The following ATP2C1 variants were observed in gnomAD, a reference collection of about 807,000 sequenced individuals.
ATP2C1 encodes calcium-transporting ATPase type 2C member 1.
Under a neutral mutation model 120.5 loss-of-function variants are expected in ATP2C1, and 31 were observed. That is an observed-to-expected ratio of 0.26 (90% CI 0.19 to 0.35). The LOEUF (loss-of-function observed/expected upper bound fraction) is 0.35, where lower values mean the gene tolerates loss of function less well. Among genes scored for constraint, ATP2C1 ranks in the 10% least tolerant of loss-of-function variants. The pLI, the probability that ATP2C1 is intolerant of heterozygous loss-of-function variation, is 1.00. For missense variants in ATP2C1, 731 were observed against 1,107.5 expected (o/e 0.66, Z 4.83); for synonymous variants, 351 against 358.7 (o/e 0.98, Z 0.24).
downstream of ATP2C1, among the ~76,000 whole-genome samples, chr3:131,006,636 TG>T (rs1358433435): frequency 3.7e-3 from 7 of 1,890 alleles, no homozygotes; most frequent in Non-Finnish European, 8.2e-3. Context: ...AGTGTGTGTT[TG>T]TGTGTGTGTG....
intron 4 of ATP2C1, among the ~76,000 whole-genome samples, chr3:130,934,083 GAT>G (rs1029280998): frequency 1.3e-5 from 2 of 152,154 alleles, no homozygotes; most frequent in African/African-American, 4.8e-5. Context: ...CTGTTTCTTT[GAT>G]ATGATTTGCT....
upstream of ATP2C1, among the ~76,000 whole-genome samples, chr3:130,891,463 C>T (rs962915779): frequency 6.6e-6 from 1 of 152,172 alleles, no homozygotes; most frequent in Non-Finnish European, 1.5e-5. Context: ...ACAAATTTCC[C>T]TTTCTTGCAC....
At chr3:130,914,442 TCAGAC>T (rs1008798048) in intron 2 of ATP2C1, 5 of 152,158 alleles carry the variant, frequency 3.3e-5, no homozygotes, top group Non-Finnish European at 7.3e-5. Context: ...TCAACTGCCT[TCAGAC>T]CAGCCAAGCC....
At chr3:130,923,887 T>C (rs1576733794) in intron 2 of ATP2C1, among the ~76,000 whole-genome samples, 1 of 148,486 alleles carries the variant, frequency 6.7e-6, no homozygotes, top group African/African-American at 2.5e-5. Context: ...AAAAAAAGGA[T>C]AACTACCTTT....
upstream of ATP2C1, chr3:130,893,881 A>G: frequency 4.1e-6 from 4 of 978,914 alleles, no homozygotes; most frequent in Non-Finnish European, 4.9e-6. Flanking sequence ...ATCCAAACCC[A>G]AACATTGTCC....
upstream of ATP2C1, among the ~76,000 whole-genome samples, chr3:130,890,626 T>C (rs1436895633): frequency 1.3e-5 from 2 of 152,238 alleles, no homozygotes; most frequent in Non-Finnish European, 2.9e-5. Context: ...CTGGGTGCTA[T>C]TAAAACCAAC....
intron 1 of ATP2C1, among the ~76,000 whole-genome samples, chr3:130,883,945 C>CTTTTTTTTTT (rs35365168): frequency 3.3e-5 from 4 of 122,436 alleles, no homozygotes; most frequent in African/African-American, 6.1e-5. Flanking sequence ...TTCTTTTCTT[C>CTTTTTTTTTT]TTTTTTTTTT....
chr3:130,926,721 A>C (rs2059223408), intron 2 of ATP2C1, among the ~76,000 whole-genome samples: 1 of 152,262 alleles, frequency 6.6e-6, no homozygotes, highest in Non-Finnish European at 1.5e-5. Context: ...CTCACATACC[A>C]GGTCTCTCAG....
In ATP2C1 at chr3:130,943,547, A is replaced by G. The variant is rs557221942; in HGVS notation, c.531+1848A>G. Reference sequence around the variant, plus strand: ...TGTGAATTTAATAAGAATTATAAGCATATGTCTTGTGGAGTAATTTATTAG... The same window carrying G: ...TGTGAATTTAATAAGAATTATAAGCGTATGTCTTGTGGAGTAATTTATTAG... On this transcript the variant is annotated intron_variant, in intron 8 of 27. Coordinates refer to ENST00000510168, the MANE Select transcript of ATP2C1 (RefSeq NM_001378687.1). Among the ~76,000 whole-genome samples, 9 of 152,266 alleles carry G rather than the reference A, an allele frequency of 5.9e-5. No individual in the cohort carries two copies. The South Asian group carries it at 1.2e-3, about 21-fold the overall frequency.
At chr3:131,005,109 CTTTTTTTTTTTTTT>C (rs35129703), downstream of ATP2C1, among the ~76,000 whole-genome samples, 1 of 92,640 alleles carries the variant, frequency 1.1e-5, no homozygotes, top group African/African-American at 4.4e-5. Flanking sequence ...TTTGAATTGT[CTTTTTTTTTTTTTT>C]TTTTTTTTTT....
chr3:130,957,741 C>T (rs371178691), intron 11 of ATP2C1, among the ~76,000 whole-genome samples: 43 of 151,870 alleles, frequency 2.8e-4, no homozygotes, highest in African/African-American at 5.8e-4. Context: ...TTAATAGGGA[C>T]GGGATTTTAC....
downstream of ATP2C1, among the ~76,000 whole-genome samples, chr3:131,005,748 T>C (rs1222448417): frequency 3.9e-5 from 6 of 152,236 alleles, no homozygotes; most frequent in African/African-American, 1.4e-4. Context: ...TTAAAAACTT[T>C]CCTTTAGCAT....
In ATP2C1 at chr3:130,967,111, G is replaced by A. The variant is rs2061081155; in HGVS notation, c.1123-34G>A. The stretch of plus-strand genomic sequence containing the variant: ...CTTGTCACCACCAAGTGTTTGTAGT[G>A]TTTGTATTATTGATCCCACTTTGTG... On this transcript the variant is annotated intron_variant, in intron 14 of 27. Transcript: ENST00000510168. 3 of 1,513,166 alleles carry A rather than the reference G, an allele frequency of 2.0e-6. No homozygotes were observed. In the East Asian group the frequency reaches 6.8e-5, roughly 34 times the overall value. 93.7% of individuals were successfully genotyped at this position (1,513,166 alleles called of 1,614,324 possible).
intron 1 of ATP2C1, among the ~76,000 whole-genome samples, chr3:130,856,676 T>G (rs543652128): frequency 6.6e-6 from 1 of 152,328 alleles, no homozygotes; most frequent in East Asian, 1.9e-4. Flanking sequence ...GGCTTCCATT[T>G]GCTTTTTGGA....
At chr3:130,935,136 A>G (rs1300850135) in intron 5 of ATP2C1, among the ~76,000 whole-genome samples, 1 of 152,150 alleles carries the variant, frequency 6.6e-6, no homozygotes, top group Non-Finnish European at 1.5e-5. Context: ...GCCTGGCTCA[A>G]ATTCTGCTTT....
intron 1 of ATP2C1, among the ~76,000 whole-genome samples, chr3:130,875,527 T>C (rs966189253): frequency 6.6e-6 from 1 of 152,238 alleles, no homozygotes; most frequent in African/African-American, 2.4e-5. Flanking sequence ...CAGTCATCTG[T>C]TGATGGACTT....
chr3:130,902,334 GTGGGATGCC>G (rs1443995197), intron 2 of ATP2C1, among the ~76,000 whole-genome samples: 1 of 101,630 alleles, frequency 9.8e-6, no homozygotes, highest in Non-Finnish European at 1.9e-5. Flanking sequence ...TGAGAGGTGA[GTGGGATGCC>G]TAGGAAACAT....
chr3:130,962,102 TTCA>T (rs2060847188), intron 12 of ATP2C1, among the ~76,000 whole-genome samples: 1 of 152,074 alleles, frequency 6.6e-6, no homozygotes, highest in African/African-American at 2.4e-5. Flanking sequence ...CCCTATTTCA[TTCA>T]TCTTTTATGA....
intron 1 of ATP2C1, among the ~76,000 whole-genome samples, chr3:130,877,564 A>T (rs538634833): frequency 5.9e-5 from 9 of 152,214 alleles, no homozygotes; most frequent in Non-Finnish European, 1.3e-4. Context: ...GACATCAGAG[A>T]AATGCAAATC....
Sources: gnomAD v4.1 joint callset for allele counts (sites outside exome capture counted in the v4.1 genomes callset) on GRCh38, gnomAD v4.1.1 for gene constraint, MANE v1.5 for transcripts, NCBI Gene and HGNC (gene_info 2026-07-23, HGNC 2026-07-21) for gene names.